Variants in DSCAM observed in about 807,000 individuals in gnomAD.
DSCAM encodes cell adhesion molecule DSCAM.
In DSCAM, 47 loss-of-function variants were observed where a neutral mutation model predicts 217.7. The observed-to-expected ratio is 0.22, with a 90% CI of 0.17 to 0.28. DSCAM has a LOEUF of 0.28. DSCAM is among the 10% of genes least tolerant of loss of function. The pLI, the probability that DSCAM is intolerant of heterozygous loss-of-function variation, is 1.00. For missense variants in DSCAM, 2,080 were observed against 2,618.3 expected (o/e 0.79, Z 4.49); for synonymous variants, 1,056 against 1,015.3 (o/e 1.04, Z -0.76).
intron 1 of DSCAM, among the ~76,000 whole-genome samples, chr21:40,760,278 A>G (rs1344719537): frequency 1.3e-5 from 2 of 152,128 alleles, no homozygotes; most frequent in Non-Finnish European, 2.9e-5. Context: ...GGCCTCCCAA[A>G]GTGCTGGGAT....
rs576137393 is a variant in DSCAM, at chr21:40,575,946, C to T, written c.508+116864G>A. Among the ~76,000 whole-genome samples the T allele has an allele frequency of 9.2e-5, 14 of 152,246 alleles. No individual in the cohort carries two copies. The South Asian group carries it at 2.7e-3, about 29-fold the overall frequency. On this transcript the variant is annotated intron_variant, in intron 3 of 32. Coordinates refer to ENST00000400454, the MANE Select transcript of DSCAM (RefSeq NM_001389.5). Reference sequence around the variant, plus strand: ...TTTAAACAATAATACAATACCATCTCATACACACTATATTGGTTAAAATTT... The same window carrying T: ...TTTAAACAATAATACAATACCATCTTATACACACTATATTGGTTAAAATTT...
At chr21:40,674,378 T>C (rs2090312136) in intron 3 of DSCAM, among the ~76,000 whole-genome samples, 1 of 152,190 alleles carries the variant, frequency 6.6e-6, no homozygotes, top group Admixed American at 6.5e-5. Flanking sequence ...ATGTGCCAAT[T>C]GCTCATGTTT....
At chr21:40,606,663 G>A (rs2089242947) in intron 3 of DSCAM, among the ~76,000 whole-genome samples, 1 of 152,172 alleles carries the variant, frequency 6.6e-6, no homozygotes, top group Non-Finnish European at 1.5e-5. Flanking sequence ...TAGTAGCTGA[G>A]CAGCCCACTT....
intron 16 of DSCAM, among the ~76,000 whole-genome samples, chr21:40,147,008 T>C (rs2146724478): frequency 6.6e-6 from 1 of 152,332 alleles, no homozygotes; most frequent in East Asian, 1.9e-4. Context: ...AACAAAGAGA[T>C]TTCCCCTATT....
At chr21:40,413,729 A>G (rs962484549) in intron 3 of DSCAM, among the ~76,000 whole-genome samples, 2 of 152,260 alleles carry the variant, frequency 1.3e-5, no homozygotes, top group Non-Finnish European at 2.9e-5. Context: ...TACCTAATCA[A>G]GACAGTATAT....
intron 11 of DSCAM, among the ~76,000 whole-genome samples, chr21:40,238,445 C>A (rs2146937037): frequency 6.6e-6 from 1 of 152,280 alleles, no homozygotes; most frequent in Non-Finnish European, 1.5e-5. Context: ...AGCTGGATAG[C>A]TTTTGGGGAC....
intron 1 of DSCAM, among the ~76,000 whole-genome samples, chr21:40,720,167 G>T (rs2090886489): frequency 6.6e-6 from 1 of 152,156 alleles, no homozygotes; most frequent in Non-Finnish European, 1.5e-5. Context: ...TGCCATTTGG[G>T]TTCAAGTTAG....
chr21:40,012,727 A>C lies in DSCAM; in HGVS notation c.*307T>G. ...TTGTGTGATAGAACTTCCAGTCAGA[A>C]GGTTTAATTAATCCCCCCCATGCAC... On this transcript the variant is annotated 3_prime_UTR_variant, in exon 33 of 33. Coordinates refer to ENST00000400454, the MANE Select transcript of DSCAM (RefSeq NM_001389.5). 1 of 176,066 alleles carries C rather than the reference A, an allele frequency of 5.7e-6. No homozygotes were observed. Among genetic ancestry groups the C allele is most frequent in the Non-Finnish European group, 1.2e-5 (1 of 86,570 alleles). The allele number at this position is 176,066 out of a possible 1,614,324, so 10.9% of individuals were successfully genotyped here. A position where few individuals can be genotyped will look rare whatever the true frequency, so the allele number is the denominator to read the frequency against.
chr21:40,315,672 A>C (rs1458983160), intron 8 of DSCAM, among the ~76,000 whole-genome samples: 5 of 152,234 alleles, frequency 3.3e-5, no homozygotes, highest in Non-Finnish European at 7.3e-5. Flanking sequence ...AGTACAAAGC[A>C]ACAGGGCTGA....
chr21:40,228,727 T>C (rs75186757), intron 11 of DSCAM, among the ~76,000 whole-genome samples: 1 of 151,964 alleles, frequency 6.6e-6, no homozygotes, highest in South Asian at 2.1e-4. Context: ...TTCTTTTATA[T>C]TCCCTTACCA....
intron 3 of DSCAM, among the ~76,000 whole-genome samples, chr21:40,672,151 T>C (rs536772774): frequency 3.6e-4 from 55 of 152,238 alleles, no homozygotes; most frequent in African/African-American, 1.3e-3. Flanking sequence ...CCTCATTTAA[T>C]CTTAATTACT....
chr21:40,841,581 C>A (rs1316446497), intron 1 of DSCAM, among the ~76,000 whole-genome samples: 1 of 152,150 alleles, frequency 6.6e-6, no homozygotes, highest in Admixed American at 6.5e-5. Context: ...GGGAAGGGGG[C>A]TCCCGGTCCC....
chr21:40,512,838 G>C (rs2076270645), intron 3 of DSCAM, among the ~76,000 whole-genome samples: 1 of 151,456 alleles, frequency 6.6e-6, no homozygotes, highest in African/African-American at 2.4e-5. Flanking sequence ...GGGAGGGAAG[G>C]GACCATAGAA....
chr21:40,684,882 C>T (rs375095934), intron 3 of DSCAM, among the ~76,000 whole-genome samples: 1 of 152,176 alleles, frequency 6.6e-6, no homozygotes, highest in Non-Finnish European at 1.5e-5. Context: ...CAAATTACAT[C>T]TGATTGACTT....
chr21:40,366,327 CTATT>C (rs2074832562), intron 4 of DSCAM, among the ~76,000 whole-genome samples: 1 of 152,120 alleles, frequency 6.6e-6, no homozygotes, highest in Admixed American at 6.5e-5. Flanking sequence ...ATTTTTAACT[CTATT>C]TGTCTTATTC....
intron 18 of DSCAM, among the ~76,000 whole-genome samples, chr21:40,135,314 T>C (rs1225038722): frequency 3.3e-5 from 5 of 152,222 alleles, no homozygotes; most frequent in Non-Finnish European, 5.9e-5. Context: ...GGCCTCCATA[T>C]AGGGAGTGGA....
chr21:40,432,191 T>C (rs569189931), intron 3 of DSCAM, among the ~76,000 whole-genome samples: 131 of 117,058 alleles, frequency 1.1e-3, no homozygotes, highest in African/African-American at 3.3e-3. Context: ...CATGAGACTC[T>C]GCCTCAAAAA....
At chr21:40,147,649 T>C (rs978146486) in intron 16 of DSCAM, among the ~76,000 whole-genome samples, 1 of 152,204 alleles carries the variant, frequency 6.6e-6, no homozygotes, top group Non-Finnish European at 1.5e-5. Context: ...TCTATTCACA[T>C]TTTGATGCAT....
chr21:40,325,249 C>T (rs556173561), intron 8 of DSCAM, among the ~76,000 whole-genome samples: 1 of 152,190 alleles, frequency 6.6e-6, no homozygotes, highest in African/African-American at 2.4e-5. Flanking sequence ...CTGACAGCAC[C>T]ATCATGGTAT....
Sources: gnomAD v4.1 joint callset for allele counts (sites outside exome capture counted in the v4.1 genomes callset) on GRCh38, gnomAD v4.1.1 for gene constraint, MANE v1.5 for transcripts, NCBI Gene and HGNC (gene_info 2026-07-23, HGNC 2026-07-21) for gene names.